The following ACYP2 variants were observed in gnomAD, a reference collection of about 807,000 sequenced individuals.
ACYP2 encodes acylphosphatase 2.
ACYP2 carries 12 observed loss-of-function variants against 11.2 expected under a neutral mutation model. The ratio of observed to expected loss-of-function variants is 1.08; its 90% CI spans 0.69 to 1.74. The LOEUF (loss-of-function observed/expected upper bound fraction) is 1.74. Among genes scored for constraint, ACYP2 ranks in the 40% most tolerant of loss-of-function variants. The probability of loss-of-function intolerance (pLI) is 0.00; values close to 1 mark genes in which losing one functional copy is unlikely to be tolerated. For synonymous variants in ACYP2, 43 were observed against 32.2 expected (o/e 1.33, Z -1.13); for missense variants, 134 against 101.9 (o/e 1.31, Z -1.35).
In ACYP2 at chr2:54,131,003, A is replaced by T. The variant is rs534534705; in HGVS notation, c.278-4450A>T. Among the ~76,000 whole-genome samples the T allele has an allele frequency of 3.3e-5, 5 of 152,326 alleles. No homozygotes were observed. The East Asian group carries it at 9.6e-4, about 29-fold the overall frequency. ...TGGATTTTACAGCTCCAAATTGTCC[A>T]TTATTTTAATTGCCATATTTAATTG... On this transcript the variant is annotated intron_variant, in intron 4 of 6. Coordinates refer to ENST00000607452, the MANE Select transcript of ACYP2 (RefSeq NM_001320586.2).
intron 2 of ACYP2, among the ~76,000 whole-genome samples, chr2:53,993,754 T>C (rs1672420866): frequency 6.6e-6 from 1 of 151,932 alleles, no homozygotes. Flanking sequence ...GTAGTCTCTA[T>C]TTTCCCGGAG....
intron 2 of ACYP2, among the ~76,000 whole-genome samples, chr2:53,999,727 G>T (rs1672720169): frequency 6.6e-6 from 1 of 152,078 alleles, no homozygotes; most frequent in South Asian, 2.1e-4. Context: ...CAGTAGCATT[G>T]TCCAATCTCA....
chr2:54,250,713 C>G (rs1264642100), intron 6 of ACYP2, among the ~76,000 whole-genome samples: 1 of 152,156 alleles, frequency 6.6e-6, no homozygotes, highest in Non-Finnish European at 1.5e-5. Flanking sequence ...AAAACTACTT[C>G]ATTTTCAAAT....
In ACYP2 at chr2:54,056,543, A is replaced by G. The variant is rs917617937; in HGVS notation, c.156-696A>G. Among the ~76,000 whole-genome samples the G allele has an allele frequency of 3.9e-5, 6 of 152,218 alleles. No homozygotes were observed. The East Asian group carries it at 1.2e-3, about 29-fold the overall frequency. Reference sequence around the variant, plus strand: ...ATTCTAGATGGTAAAATAAGTATCAAATGGAACCTCTTTGTATTCTTTAAA... The same window carrying G: ...ATTCTAGATGGTAAAATAAGTATCAGATGGAACCTCTTTGTATTCTTTAAA... On this transcript the variant is annotated intron_variant, in intron 3 of 6. Transcript: ENST00000607452.
intron 6 of ACYP2, among the ~76,000 whole-genome samples, chr2:54,228,711 G>GA (rs1254436267): frequency 6.6e-6 from 1 of 150,848 alleles, no homozygotes; most frequent in Non-Finnish European, 1.5e-5. Context: ...GGAGAGAAAA[G>GA]AAAAAAAAGG....
intron 2 of ACYP2, among the ~76,000 whole-genome samples, chr2:54,033,196 C>T (rs1161376905): frequency 8.3e-6 from 1 of 120,116 alleles, no homozygotes; most frequent in Admixed American, 8.2e-5. Flanking sequence ...TGCCTGTGGG[C>T]AATTTTTTTT....
At chr2:54,150,046 G>A (rs1211021213) in intron 6 of ACYP2, among the ~76,000 whole-genome samples, 1 of 152,152 alleles carries the variant, frequency 6.6e-6, no homozygotes, top group Non-Finnish European at 1.5e-5. Context: ...TTCCTGTAAA[G>A]TCATTAAATG....
At chr2:54,268,288 TC>T (rs1688128876) in intron 6 of ACYP2, among the ~76,000 whole-genome samples, 1 of 152,356 alleles carries the variant, frequency 6.6e-6, no homozygotes, top group South Asian at 2.1e-4. Context: ...ACTACTTAAG[TC>T]ATAAAGCCAG....
intron 2 of ACYP2, among the ~76,000 whole-genome samples, chr2:54,012,707 C>T (rs990210428): frequency 3.3e-5 from 5 of 152,136 alleles, no homozygotes; most frequent in Admixed American, 1.3e-4. Flanking sequence ...CTGTCTGGCG[C>T]GGGTTGTTTC....
chr2:54,099,481 C>A lies in ACYP2; in HGVS notation c.278-35972C>A, dbSNP rs984503332. Reference sequence around the variant, plus strand: ...CTGGTCCCCACCATTCTACTCTCTGCTTCTATGAGATCAGTGTTTTTAGAT... The same window carrying A: ...CTGGTCCCCACCATTCTACTCTCTGATTCTATGAGATCAGTGTTTTTAGAT... On this transcript the variant is annotated intron_variant, in intron 4 of 6. Coordinates refer to ENST00000607452, the MANE Select transcript of ACYP2 (RefSeq NM_001320586.2). Among the ~76,000 whole-genome samples, 4 of 152,266 alleles carry A rather than the reference C, an allele frequency of 2.6e-5. No homozygotes were observed. In the South Asian group the frequency reaches 8.3e-4, roughly 32 times the overall value.
chr2:54,074,864 C>T (rs1165335530), intron 4 of ACYP2, among the ~76,000 whole-genome samples: 1 of 152,060 alleles, frequency 6.6e-6, no homozygotes, highest in African/African-American at 2.4e-5. Context: ...ATGAGGTTCA[C>T]TCACATTATG....
intron 2 of ACYP2, among the ~76,000 whole-genome samples, chr2:54,005,760 C>A (rs1282387217): frequency 6.6e-6 from 1 of 152,188 alleles, no homozygotes; most frequent in Non-Finnish European, 1.5e-5. Flanking sequence ...CAGGTAGTGT[C>A]AGTCCTCTGA....
intron 2 of ACYP2, chr2:54,029,913 G>A (rs1177999011): frequency 2.3e-5 from 6 of 258,326 alleles, no homozygotes; most frequent in African/African-American, 2.3e-5. Flanking sequence ...CTCGAGGCCC[G>A]CCAATAATGA....
Position 54,267,164 on chromosome 2 carries a change from G to C in ACYP2, c.405-37524G>C, listed in dbSNP as rs555856148. 1.3e-5 allele frequency: 11 copies of C among 842,968 alleles called. No homozygotes were observed. In the African/African-American group the frequency reaches 1.7e-4, roughly 13 times the overall value. 52.2% of individuals were successfully genotyped at this position (842,968 alleles called of 1,614,324 possible). A position where few individuals can be genotyped will look rare whatever the true frequency, so the allele number is the denominator to read the frequency against. On this transcript the variant is annotated intron_variant, in intron 6 of 6. Transcript: ENST00000607452. ...ATTGTTGAGTTGTTATAATGAGCAT[G>C]TATTATTCATGTATTTTTTCATCAA...
chr2:54,044,652 C>A (rs1675421230), intron 2 of ACYP2, among the ~76,000 whole-genome samples: 1 of 151,866 alleles, frequency 6.6e-6, no homozygotes, highest in Non-Finnish European at 1.5e-5. Context: ...TTAATCAGGA[C>A]CCTACAATTA....
chr2:53,999,248 C>T (rs974881061), intron 2 of ACYP2, among the ~76,000 whole-genome samples: 2 of 152,228 alleles, frequency 1.3e-5, no homozygotes, highest in African/African-American at 4.8e-5. Context: ...CAAACAACAT[C>T]AATAGCAAGT....
rs573892589 is a variant in ACYP2, at chr2:53,986,404, T to G, written c.62+12594T>G. Among the ~76,000 whole-genome samples, 11 of 151,754 alleles carry G rather than the reference T, an allele frequency of 7.2e-5. No homozygotes were observed. In the East Asian group the frequency reaches 1.9e-3, roughly 27 times the overall value. On this transcript the variant is annotated intron_variant, in intron 2 of 6. Coordinates refer to ENST00000607452, the MANE Select transcript of ACYP2 (RefSeq NM_001320586.2). ...AAGGCTGGAGTGCAGTGGCATGATC[T>G]CAGCTCACTGCAACTTCTGCCTCCT...
intron 6 of ACYP2, among the ~76,000 whole-genome samples, chr2:54,157,103 G>C (rs549175418): frequency 1.3e-5 from 2 of 152,092 alleles, no homozygotes; most frequent in African/African-American, 2.4e-5. Flanking sequence ...TTACATGGTT[G>C]TCCTAAAATT....
rs982675207 is a variant in ACYP2 at position 54,051,499 on chromosome 2, T to C, written c.155+449T>C. ...TCCCAGTGCACCCAAGAGGACTCCT[T>C]TGGGCTTTTTTTCTGTTCTGTTCTG... On this transcript the variant is annotated intron_variant, in intron 3 of 6. Transcript: ENST00000607452. 6.2e-5 allele frequency: 44 copies of C among 705,290 alleles called. 8 individuals carry two copies. The Admixed American group carries it at 7.0e-4, about 11-fold the overall frequency. 43.7% of individuals were successfully genotyped at this position (705,290 alleles called of 1,614,324 possible).
Sources: gnomAD v4.1 joint callset for allele counts (sites outside exome capture counted in the v4.1 genomes callset) on GRCh38, gnomAD v4.1.1 for gene constraint, MANE v1.5 for transcripts, NCBI Gene and HGNC (gene_info 2026-07-23, HGNC 2026-07-21) for gene names.